PAPPA: variants seen among roughly 807,000 people sequenced by gnomAD.
The protein encoded by PAPPA is pappalysin-1.
A neutral mutation model predicts 164.0 loss-of-function variants in PAPPA; 60 were observed. The observed-to-expected ratio is 0.37, with a 90% CI of 0.30 to 0.45. The LOEUF is 0.45. Ranked by LOEUF, PAPPA falls within the 20% of genes least tolerant of loss-of-function variation. The probability of loss-of-function intolerance (pLI) is 1.00; values close to 1 mark genes in which losing one functional copy is unlikely to be tolerated. For missense variants in PAPPA, 1,782 were observed against 2,087.3 expected (o/e 0.85, Z 2.85); for synonymous variants, 875 against 814.1 (o/e 1.07, Z -1.27).
At chr9:116,185,087 C>T (rs1843953980) in intron 1 of PAPPA, among the ~76,000 whole-genome samples, 1 of 152,164 alleles carries the variant, frequency 6.6e-6, no homozygotes, top group South Asian at 2.1e-4. Context: ...GAAAGAGTTA[C>T]CTTGCATGCT....
intron 10 of PAPPA, among the ~76,000 whole-genome samples, chr9:116,308,681 G>C (rs1373343186): frequency 6.6e-6 from 1 of 152,156 alleles, no homozygotes; most frequent in Non-Finnish European, 1.5e-5. Context: ...TTAATATGTG[G>C]TACGTATTTA....
intron 10 of PAPPA, among the ~76,000 whole-genome samples, chr9:116,319,949 A>C (rs1025102468): frequency 6.6e-6 from 1 of 152,216 alleles, no homozygotes; most frequent in Non-Finnish European, 1.5e-5. Flanking sequence ...TAGGCCTCTA[A>C]CATAAGCTTT....
intron 10 of PAPPA, among the ~76,000 whole-genome samples, chr9:116,321,922 G>A (rs915022319): frequency 2.6e-5 from 4 of 152,166 alleles, no homozygotes; most frequent in African/African-American, 9.7e-5. Context: ...AGAGTTATTG[G>A]GAGGTCAAGC....
chr9:116,328,819 C>T (rs1845952978), intron 10 of PAPPA, among the ~76,000 whole-genome samples: 1 of 152,092 alleles, frequency 6.6e-6, no homozygotes, highest in African/African-American at 2.4e-5. Context: ...TTGTCTAACC[C>T]AACATTCGGA....
At chr9:116,179,362 C>A (rs993033197) in intron 1 of PAPPA, among the ~76,000 whole-genome samples, 2 of 152,184 alleles carry the variant, frequency 1.3e-5, no homozygotes, top group Non-Finnish European at 2.9e-5. Flanking sequence ...GAAATCTGGT[C>A]CTCCTCCTAC....
intron 10 of PAPPA, among the ~76,000 whole-genome samples, chr9:116,323,304 G>C (rs913350660): frequency 8.5e-5 from 13 of 152,120 alleles, no homozygotes; most frequent in African/African-American, 3.1e-4. Flanking sequence ...AGAGTCCTCT[G>C]TTTCTGCAGA....
At chr9:116,338,759 T>C (rs1301814707) in intron 13 of PAPPA, among the ~76,000 whole-genome samples, 1 of 152,200 alleles carries the variant, frequency 6.6e-6, no homozygotes. Context: ...GCCTGACTCT[T>C]CTCCAAAATA....
At chr9:116,158,295 G>T (rs1374806401) in intron 1 of PAPPA, among the ~76,000 whole-genome samples, 4 of 152,092 alleles carry the variant, frequency 2.6e-5, no homozygotes, top group East Asian at 1.9e-4. Context: ...CTTCAGCATT[G>T]CTGTAACAGT....
At chr9:116,304,345 A>G (rs1419843973) in intron 10 of PAPPA, among the ~76,000 whole-genome samples, 2 of 152,236 alleles carry the variant, frequency 1.3e-5, no homozygotes, top group Non-Finnish European at 2.9e-5. Context: ...CCATTGCCAC[A>G]TGCAAATGAA....
intron 21 of PAPPA, among the ~76,000 whole-genome samples, chr9:116,387,080 G>A (rs560935036): frequency 2.2e-4 from 33 of 152,098 alleles, no homozygotes; most frequent in African/African-American, 7.5e-4. Flanking sequence ...CTAGCGCTCA[G>A]AGAAACTCAC....
At chr9:116,346,280 A>T (rs1214502658) in intron 14 of PAPPA, among the ~76,000 whole-genome samples, 1 of 151,954 alleles carries the variant, frequency 6.6e-6, no homozygotes. Flanking sequence ...ACCCAGCTCC[A>T]CCATCGTGTA....
chr9:116,196,931 A>T (rs1564180427), intron 2 of PAPPA, among the ~76,000 whole-genome samples: 1 of 152,180 alleles, frequency 6.6e-6, no homozygotes, highest in Non-Finnish European at 1.5e-5. Flanking sequence ...AACTATTTTT[A>T]TGGCCACAGA....
chr9:116,365,551 G>GTTTT (rs56204027), intron 18 of PAPPA, among the ~76,000 whole-genome samples: 6 of 101,500 alleles, frequency 5.9e-5, no homozygotes, highest in African/African-American at 9.4e-5. Flanking sequence ...TTTGACAACC[G>GTTTT]TTTTTTTTTT....
chr9:116,308,716 C>G (rs902102581), intron 10 of PAPPA, among the ~76,000 whole-genome samples: 3 of 152,164 alleles, frequency 2.0e-5, no homozygotes, highest in African/African-American at 7.2e-5. Flanking sequence ...AGTGGGCATT[C>G]CCTCTCTCTA....
At chr9:116,182,010 C>A (rs746616090) in intron 1 of PAPPA, among the ~76,000 whole-genome samples, 1 of 152,208 alleles carries the variant, frequency 6.6e-6, no homozygotes, top group Non-Finnish European at 1.5e-5. Flanking sequence ...TTTAAACAGC[C>A]TACAACAAAA....
chr9:116,395,902 T>C (rs1039792813), intron 21 of PAPPA, among the ~76,000 whole-genome samples: 11 of 152,192 alleles, frequency 7.2e-5, no homozygotes, highest in African/African-American at 2.2e-4. Context: ...TTATGTTTTC[T>C]CAAAAGACAC....
At position 116,187,481 on chromosome 9, in the gene PAPPA, A is replaced by C. The variant is rs769780801; in HGVS notation, c.743A>C (p.Asn248Thr). The C allele has an allele frequency of 6.2e-7, 1 of 1,614,166 alleles. No individual in the cohort carries two copies. Among genetic ancestry groups the C allele is most frequent in the South Asian group, 1.1e-5 (1 of 91,078 alleles). ...TTAGGGGGCAGTGCCCTGAATCACA[A>C]CTACCGGGGCTACATCGAGCACTTC... Reference protein sequence around the residue: ...LMLGGSALNHNYRGYIEHFSL... With the variant: ...LMLGGSALNHTYRGYIEHFSL... Residue 248 changes from asparagine to threonine, a missense_variant, in exon 2 of 22, where the codon AAC (asparagine) becomes ACC (threonine). Physicochemically the swap from Asn to Thr is moderately conservative, Grantham distance 65. Around this residue, in one of 2 missense-constraint regions of PAPPA, gnomAD observed 458 missense variants for 430.3 expected, o/e 1.06. Transcript: ENST00000328252. The surrounding 1 kb of genome is among the most constrained non-coding windows in gnomAD (Gnocchi z 4.2).
At chr9:116,175,269 G>A (rs556857782) in intron 1 of PAPPA, among the ~76,000 whole-genome samples, 15 of 152,190 alleles carry the variant, frequency 9.9e-5, no homozygotes, top group Admixed American at 8.5e-4. Flanking sequence ...TTTGAAAACT[G>A]GATACACAAT....
chr9:116,227,080 G>T (rs749801348), intron 5 of PAPPA, among the ~76,000 whole-genome samples: 15 of 152,192 alleles, frequency 9.9e-5, no homozygotes, highest in Admixed American at 9.2e-4. Flanking sequence ...TGGAGCAAGA[G>T]ATTTTCTCAT....
Sources: gnomAD v4.1 joint callset for allele counts (sites outside exome capture counted in the v4.1 genomes callset) on GRCh38, gnomAD v4.1.1 for gene constraint, gnomAD v4.1.1 regional missense constraint, Gnocchi (gnomAD v3.1) non-coding constraint, MANE v1.5 for transcripts, NCBI Gene and HGNC (gene_info 2026-07-23, HGNC 2026-07-21) for gene names.